The following KCTD16 variants were observed in gnomAD, a reference collection of about 807,000 sequenced individuals.
The protein encoded by KCTD16 is BTB/POZ domain-containing protein KCTD16.
Under a neutral mutation model 33.2 loss-of-function variants are expected in KCTD16, and 13 were observed. That is an observed-to-expected ratio of 0.39 (90% CI 0.25 to 0.62). The LOEUF (loss-of-function observed/expected upper bound fraction) is 0.62. KCTD16 is among the 20% of genes least tolerant of loss of function. The pLI, the probability that KCTD16 is intolerant of heterozygous loss-of-function variation, is 0.50. For missense variants in KCTD16, 441 were observed against 525.1 expected (o/e 0.84, Z 1.57); for synonymous variants, 197 against 195.3 (o/e 1.01, Z -0.07).
At chr5:144,414,071 G>A (rs1049127797) in intron 3 of KCTD16, among the ~76,000 whole-genome samples, 3 of 152,150 alleles carry the variant, frequency 2.0e-5, no homozygotes, top group Admixed American at 2.0e-4. Context: ...TTTCACACCT[G>A]TAAGACTTCT....
intron 3 of KCTD16, among the ~76,000 whole-genome samples, chr5:144,209,816 G>A (rs1487228112): frequency 2.1e-5 from 3 of 143,622 alleles, no homozygotes; most frequent in East Asian, 4.0e-4. Context: ...TTATATGTGT[G>A]TATATATATA....
intron 3 of KCTD16, among the ~76,000 whole-genome samples, chr5:144,463,452 G>C (rs1754249295): frequency 1.6e-5 from 2 of 126,402 alleles, no homozygotes; most frequent in Admixed American, 1.8e-4. Flanking sequence ...TCTAGGCACT[G>C]TCATCATGCT....
Position 144,378,384 on chromosome 5 carries a change from G to C in KCTD16, c.833-95276G>C, listed in dbSNP as rs146556799. Among the ~76,000 whole-genome samples the C allele has an allele frequency of 1.2e-3, 188 of 152,280 alleles. 2 individuals are homozygous for C. The highest frequency in any genetic ancestry group is 4.2e-3 in the African/African-American group (173 of 41,568). On this transcript the variant is annotated intron_variant, in intron 3 of 3. Transcript: ENST00000512467. Reference sequence around the variant, plus strand: ...TCTTGCTTTGTCAGGTCATTGATAAGTAGTTTACAGGATTTGAATCAATAC... The same window carrying C: ...TCTTGCTTTGTCAGGTCATTGATAACTAGTTTACAGGATTTGAATCAATAC...
intron 3 of KCTD16, among the ~76,000 whole-genome samples, chr5:144,210,769 G>A (rs1342736400): frequency 6.6e-6 from 1 of 152,102 alleles, no homozygotes; most frequent in African/African-American, 2.4e-5. Context: ...GAGAGAGTGG[G>A]AAGATTGTTC....
intron 3 of KCTD16, among the ~76,000 whole-genome samples, chr5:144,467,226 T>C (rs1263209202): frequency 2.0e-5 from 3 of 151,324 alleles, no homozygotes; most frequent in Non-Finnish European, 2.9e-5. Context: ...ATTAACTGTC[T>C]AGCAATATGC....
chr5:144,244,661 G>A (rs1300016980), intron 3 of KCTD16, among the ~76,000 whole-genome samples: 1 of 152,046 alleles, frequency 6.6e-6, no homozygotes, highest in Non-Finnish European at 1.5e-5. Context: ...CTTGGGATTG[G>A]AGAGATCTCT....
At chr5:144,262,068 A>G (rs1295475225) in intron 3 of KCTD16, among the ~76,000 whole-genome samples, 1 of 152,194 alleles carries the variant, frequency 6.6e-6, no homozygotes, top group Non-Finnish European at 1.5e-5. Context: ...GACAATAAAA[A>G]GAAATAGATA....
At chr5:144,310,277 C>T (rs1751727527) in intron 3 of KCTD16, among the ~76,000 whole-genome samples, 1 of 152,180 alleles carries the variant, frequency 6.6e-6, no homozygotes, top group Non-Finnish European at 1.5e-5. Context: ...ATGTGTACCA[C>T]ATTTTCTTTA....
At chr5:144,400,239 C>A (rs574114228) in intron 3 of KCTD16, among the ~76,000 whole-genome samples, 1 of 152,152 alleles carries the variant, frequency 6.6e-6, no homozygotes, top group Non-Finnish European at 1.5e-5. Context: ...GAGGAGGCTT[C>A]CCTAAGAAAT....
intron 3 of KCTD16, among the ~76,000 whole-genome samples, chr5:144,217,421 T>C (rs1753598840): frequency 6.6e-6 from 1 of 152,234 alleles, no homozygotes. Flanking sequence ...TAATTCTTAT[T>C]TGCCCAATAA....
chr5:144,203,246 C>T (rs1392201752), intron 2 of KCTD16, among the ~76,000 whole-genome samples: 1 of 151,590 alleles, frequency 6.6e-6, no homozygotes. Flanking sequence ...TATTAATACT[C>T]TTTTTAAGAG....
At chr5:144,248,923 T>G (rs1436826624) in intron 3 of KCTD16, among the ~76,000 whole-genome samples, 1 of 152,152 alleles carries the variant, frequency 6.6e-6, no homozygotes, top group Non-Finnish European at 1.5e-5. Context: ...TCTCTTAAAA[T>G]AAAAACTCAA....
chr5:144,197,207 A>G (rs925334942), intron 2 of KCTD16, among the ~76,000 whole-genome samples: 3 of 152,218 alleles, frequency 2.0e-5, no homozygotes, highest in Admixed American at 2.0e-4. Flanking sequence ...TTAAAAAATA[A>G]AAACTAGAAT....
chr5:144,350,317 G>C (rs748928764), intron 3 of KCTD16, among the ~76,000 whole-genome samples: 1 of 151,912 alleles, frequency 6.6e-6, no homozygotes, highest in Non-Finnish European at 1.5e-5. Context: ...CAAACACAAG[G>C]CCTGGTTATT....
chr5:144,396,179 C>T, intron 3 of KCTD16, among the ~76,000 whole-genome samples: 1 of 152,144 alleles, frequency 6.6e-6, no homozygotes, highest in East Asian at 1.9e-4. Context: ...ATTAGGCTCT[C>T]TAGGTGTTCT....
intron 3 of KCTD16, among the ~76,000 whole-genome samples, chr5:144,398,115 T>G (rs1752616637): frequency 6.6e-6 from 1 of 152,160 alleles, no homozygotes; most frequent in African/African-American, 2.4e-5. Flanking sequence ...TACCACAACT[T>G]AATGGACTAT....
chr5:144,230,794 GA>G (rs1156955361), intron 3 of KCTD16, among the ~76,000 whole-genome samples: 4 of 152,174 alleles, frequency 2.6e-5, no homozygotes, highest in African/African-American at 9.7e-5. Flanking sequence ...TGAATGGAAT[GA>G]TCAGGGATAT....
Position 144,473,875 on chromosome 5 carries a change from C to A in KCTD16, c.1048C>A (p.Pro350Thr). ...TCTGGACCGTCCCATCAAGAAGGGC[C>A]CTGTCCAGCTGATCCAACAGTCAGA... ...QTLDRPIKKG[P>T]VQLIQQSEMR... Residue 350 changes from proline to threonine, a missense_variant, in exon 4 of 4, where the codon CCT becomes ACT. Around this residue, in one of 3 missense-constraint regions of KCTD16, gnomAD observed 355 missense variants for 413.0 expected, o/e 0.86. Transcript: ENST00000512467. 1.2e-6 allele frequency: 2 copies of A among 1,614,042 alleles called. No homozygotes were observed. Among genetic ancestry groups the A allele is most frequent in the Non-Finnish European group, 1.7e-6 (2 of 1,179,988 alleles).
In KCTD16 at chr5:144,186,653, C is replaced by T. The variant is rs1016038756; in HGVS notation, c.-327+12181C>T. On this transcript the variant is annotated intron_variant, in intron 2 of 3. Coordinates refer to ENST00000512467, the MANE Select transcript of KCTD16 (RefSeq NM_020768.4). ...TGTTTTCCAGGTATCCACATTTTCTCCTCAACACATGCCCAATCCAAAGAC... is the reference window on the plus strand; with the variant it reads ...TGTTTTCCAGGTATCCACATTTTCTTCTCAACACATGCCCAATCCAAAGAC... 4.6e-5 allele frequency among the ~76,000 whole-genome samples: 7 copies of T among 152,178 alleles called. No individual in the cohort carries two copies. The South Asian group carries it at 1.0e-3, about 23-fold the overall frequency.
Sources: allele counts gnomAD v4.1 joint callset (sites outside exome capture counted in the v4.1 genomes callset), GRCh38; gene constraint gnomAD v4.1.1; regional missense constraint gnomAD v4.1.1; transcripts MANE v1.5; gene names NCBI Gene and HGNC (gene_info 2026-07-23, HGNC 2026-07-21).